Variants in CBFA2T2 observed in about 807,000 individuals in gnomAD.
The protein encoded by CBFA2T2 is CBFA2/RUNX1 partner transcriptional co-repressor 2.
CBFA2T2 carries 11 observed loss-of-function variants against 62.2 expected under a neutral mutation model. That is an observed-to-expected ratio of 0.18 (90% CI 0.11 to 0.29). The LOEUF (loss-of-function observed/expected upper bound fraction) is 0.29. Among genes scored for constraint, CBFA2T2 ranks in the 10% least tolerant of loss-of-function variants. CBFA2T2 has a pLI of 1.00. For missense variants in CBFA2T2, 592 were observed against 774.1 expected (o/e 0.76, Z 2.79); for synonymous variants, 295 against 287.5 (o/e 1.03, Z -0.27).
chr20:33,594,227 T>C (rs2014789597), intron 1 of CBFA2T2, among the ~76,000 whole-genome samples: 1 of 152,162 alleles, frequency 6.6e-6, no homozygotes, highest in Non-Finnish European at 1.5e-5. Context: ...ATTTCTTTCT[T>C]TTCTTTTTTT....
chr20:33,597,018 G>C lies in CBFA2T2; in HGVS notation c.35-9938G>C, dbSNP rs763897766. Among the ~76,000 whole-genome samples, 3 of 150,366 alleles carry C rather than the reference G, an allele frequency of 2.0e-5. No individual in the cohort carries two copies. The South Asian group carries it at 6.3e-4, about 32-fold the overall frequency. The stretch of plus-strand genomic sequence containing the variant: ...CAGCTCACTGCAGCCTGAAACTCCA[G>C]GGCTGAAGGAATCCTCCTGTCTGAG... On this transcript the variant is annotated intron_variant, in intron 1 of 10. Transcript: ENST00000342704.
chr20:33,554,992 A>G (rs907940705), intron 1 of CBFA2T2, among the ~76,000 whole-genome samples: 15 of 152,232 alleles, frequency 9.9e-5, no homozygotes, highest in Non-Finnish European at 2.1e-4. Context: ...TTAGGTGAGC[A>G]TTAAAGGATT....
Position 33,648,151 on chromosome 20 carries a change from T to G in CBFA2T2, c.*3505T>G, listed in dbSNP as rs191038479. 6 of 152,320 alleles carry G rather than the reference T, an allele frequency of 3.9e-5. No individual in the cohort carries two copies. The highest frequency in any genetic ancestry group is 2.6e-4 in the Admixed American group (4 of 15,302). 9.4% of individuals were successfully genotyped at this position (152,320 alleles called of 1,614,324 possible). ...GAGGACTGACCTCTACAGTTCATAT[T>G]TGCAGTGACATAAAAGGCAAAGAGG... On this transcript the variant is annotated 3_prime_UTR_variant, in exon 11 of 11. Transcript: ENST00000342704.
chr20:33,540,042 G>A (rs952824515), intron 1 of CBFA2T2, among the ~76,000 whole-genome samples: 1 of 152,042 alleles, frequency 6.6e-6, no homozygotes, highest in African/African-American at 2.4e-5. Context: ...AGTGGAAGTG[G>A]CAGAAATGTT....
intron 1 of CBFA2T2, among the ~76,000 whole-genome samples, chr20:33,527,056 A>AT (rs1160633780): frequency 6.6e-6 from 1 of 152,260 alleles, no homozygotes; most frequent in Non-Finnish European, 1.5e-5. Context: ...CCTCAGCTGC[A>AT]TTATAAAGAC....
intron 1 of CBFA2T2, among the ~76,000 whole-genome samples, chr20:33,527,945 C>T (rs2011936069): frequency 6.6e-6 from 1 of 151,966 alleles, no homozygotes; most frequent in Non-Finnish European, 1.5e-5. Context: ...GGCTGGTCTC[C>T]AACTTCTGGG....
chr20:33,649,286 C>G lies in CBFA2T2; in HGVS notation c.*4640C>G, dbSNP rs2017167249. On this transcript the variant is annotated 3_prime_UTR_variant, in exon 11 of 11. Transcript: ENST00000342704. ...AGATGGCCAGCTGTCGAGAGCAGCC[C>G]TGCCCAGATTGCGGTGGGGGCTGTG... 6.6e-6 allele frequency: 1 copy of G among 152,608 alleles called. No homozygotes were observed. Among genetic ancestry groups the G allele is most frequent in the Admixed American group, 6.5e-5 (1 of 15,280 alleles). 9.5% of individuals were successfully genotyped at this position (152,608 alleles called of 1,614,324 possible). A position where few individuals can be genotyped will look rare whatever the true frequency, so the allele number is the denominator to read the frequency against.
chr20:33,502,673 G>T (rs1007240101), intron 1 of CBFA2T2, among the ~76,000 whole-genome samples: 2 of 151,222 alleles, frequency 1.3e-5, no homozygotes, highest in East Asian at 3.9e-4. Context: ...AAAGTGCTGG[G>T]ATTACAGGCG....
intron 1 of CBFA2T2, among the ~76,000 whole-genome samples, chr20:33,553,899 A>G (rs754465441): frequency 6.6e-6 from 1 of 152,048 alleles, no homozygotes; most frequent in African/African-American, 2.4e-5. Flanking sequence ...AATCTTAAAT[A>G]TATTAATTAT....
chr20:33,571,495 C>CTTA (rs2013564578), intron 1 of CBFA2T2, among the ~76,000 whole-genome samples: 1 of 152,122 alleles, frequency 6.6e-6, no homozygotes, highest in East Asian at 1.9e-4. Context: ...GTACAGAAGT[C>CTTA]TTAGAACACT....
intron 1 of CBFA2T2, among the ~76,000 whole-genome samples, chr20:33,579,710 C>A (rs564867160): frequency 2.6e-5 from 4 of 151,814 alleles, no homozygotes; most frequent in Non-Finnish European, 5.9e-5. Flanking sequence ...TTTGGTGGTT[C>A]GTCCTCCAAC....
chr20:33,626,493 C>T lies in CBFA2T2; in HGVS notation c.946+1476C>T, dbSNP rs1426607882. Among the ~76,000 whole-genome samples, 4 of 152,170 alleles carry T rather than the reference C, an allele frequency of 2.6e-5. No homozygotes were observed. The East Asian group carries it at 7.7e-4, about 29-fold the overall frequency. ...TTGGAATGCCTGGTATATAGGTGCT[C>T]AGAAACCTTTAAATTTAGGAAGAAA... On this transcript the variant is annotated intron_variant, in intron 6 of 10. Coordinates refer to ENST00000342704, the MANE Select transcript of CBFA2T2 (RefSeq NM_001032999.3).
chr20:33,590,392 T>C (rs903278110), intron 1 of CBFA2T2, among the ~76,000 whole-genome samples: 10 of 152,184 alleles, frequency 6.6e-5, no homozygotes, highest in Admixed American at 5.9e-4. Context: ...CGGCAACTCT[T>C]AGAAACCAGA....
intron 4 of CBFA2T2, among the ~76,000 whole-genome samples, chr20:33,619,846 T>C (rs1438619665): frequency 6.6e-6 from 1 of 152,082 alleles, no homozygotes; most frequent in East Asian, 1.9e-4. Flanking sequence ...GTAGCTAGCA[T>C]AGGAGAGAAT....
intron 7 of CBFA2T2, among the ~76,000 whole-genome samples, chr20:33,629,128 T>C (rs1168642428): frequency 6.6e-6 from 1 of 152,248 alleles, no homozygotes; most frequent in Non-Finnish European, 1.5e-5. Flanking sequence ...TAAATTTTTA[T>C]CAAAAGAAAC....
At chr20:33,549,376 G>A (rs892528395) in intron 1 of CBFA2T2, among the ~76,000 whole-genome samples, 1 of 152,106 alleles carries the variant, frequency 6.6e-6, no homozygotes, top group Non-Finnish European at 1.5e-5. Flanking sequence ...CCATTAACTG[G>A]TGAATAGATA....
intron 1 of CBFA2T2, among the ~76,000 whole-genome samples, chr20:33,543,813 CTAAAT>C (rs1392493601): frequency 1.4e-4 from 21 of 151,990 alleles, no homozygotes; most frequent in South Asian, 2.1e-4. Flanking sequence ...GCACTGATAA[CTAAAT>C]TAAATTAAAT....
chr20:33,594,212 G>A (rs903584645), intron 1 of CBFA2T2, among the ~76,000 whole-genome samples: 1 of 152,078 alleles, frequency 6.6e-6, no homozygotes, highest in African/African-American at 2.4e-5. Flanking sequence ...AGAATTTACT[G>A]CTATATTTCT....
chr20:33,493,495 A>G (rs1212748286), intron 1 of CBFA2T2, among the ~76,000 whole-genome samples: 2 of 152,100 alleles, frequency 1.3e-5, no homozygotes, highest in Non-Finnish European at 2.9e-5. Flanking sequence ...GTGGCCTCAC[A>G]TGTTTGTTTT....
Sources: allele counts gnomAD v4.1 joint callset (sites outside exome capture counted in the v4.1 genomes callset), GRCh38; gene constraint gnomAD v4.1.1; transcripts MANE v1.5; gene names NCBI Gene and HGNC (gene_info 2026-07-23, HGNC 2026-07-21).